HMCN1: variants seen among roughly 807,000 people sequenced by gnomAD.
The protein encoded by HMCN1 is hemicentin 1.
A neutral mutation model predicts 625.9 loss-of-function variants in HMCN1; 321 were observed. The ratio of observed to expected loss-of-function variants is 0.51; its 90% CI spans 0.47 to 0.56. HMCN1 has a LOEUF of 0.56. Ranked by LOEUF, HMCN1 falls within the 20% of genes least tolerant of loss-of-function variation. HMCN1 has a pLI of 0.00. For missense variants in HMCN1, 6,588 were observed against 6,887.3 expected (o/e 0.96, Z 1.54); for synonymous variants, 2,425 against 2,417.6 (o/e 1.00, Z -0.09).
At position 186,178,584 on chromosome 1, in the gene HMCN1, A is replaced by G; in HGVS notation, c.16112A>G (p.Asn5371Ser). Reference sequence around the variant, plus strand: ...TATGGCACTCAATACAGTAGCTATAACCTTGCACGGTTCTCCCCTGTGAGA... The same window carrying G: ...TATGGCACTCAATACAGTAGCTATAGCCTTGCACGGTTCTCCCCTGTGAGA... ...PNYGTQYSSYNLARFSPVRNN... is the reference protein window; with the variant it reads ...PNYGTQYSSYSLARFSPVRNN... Residue 5371 changes from asparagine to serine, a missense_variant, in exon 104 of 107, where the codon AAC becomes AGC. By Grantham distance (46) the Asn-to-Ser change is conservative. Transcript: ENST00000271588. The G allele has an allele frequency of 1.9e-6, 3 of 1,614,094 alleles. No homozygotes were observed. The highest frequency in any genetic ancestry group is 1.7e-6 in the Non-Finnish European group (2 of 1,179,986).
chr1:186,129,733 T>C (rs1661828977), intron 83 of HMCN1, among the ~76,000 whole-genome samples: 1 of 152,122 alleles, frequency 6.6e-6, no homozygotes, highest in Non-Finnish European at 1.5e-5. Context: ...TAAAAGATGT[T>C]TGTTTTCATC....
intron 15 of HMCN1, among the ~76,000 whole-genome samples, chr1:185,975,908 G>GCA (rs1558109789): frequency 6.7e-6 from 1 of 149,446 alleles, no homozygotes; most frequent in Non-Finnish European, 1.5e-5. Context: ...ACACACACAC[G>GCA]CACACACACA....
intron 85 of HMCN1, 62 bp downstream of exon 85, chr1:186,130,759 G>A (rs892580346): frequency 2.4e-5 from 32 of 1,359,392 alleles, no homozygotes; most frequent in African/African-American, 1.0e-4. Flanking sequence ...CCCTCTGTGA[G>A]TGCCATAGAT....
At chr1:185,871,323 C>T (rs1663607604) in intron 4 of HMCN1, among the ~76,000 whole-genome samples, 1 of 151,542 alleles carries the variant, frequency 6.6e-6, no homozygotes, top group Non-Finnish European at 1.5e-5. Context: ...AGAAAAGATT[C>T]AGCACAAGCA....
At chr1:185,977,699 A>G (rs933858953) in intron 15 of HMCN1, 88 bp from the exon 16 acceptor site, 76 of 864,066 alleles carry the variant, frequency 8.8e-5, no homozygotes, top group East Asian at 1.8e-4. Flanking sequence ...TTCAAATTCA[A>G]TGATTTGACA....
At chr1:185,784,716 C>T (rs1008726931) in intron 1 of HMCN1, among the ~76,000 whole-genome samples, 1 of 152,150 alleles carries the variant, frequency 6.6e-6, no homozygotes, top group Non-Finnish European at 1.5e-5. Flanking sequence ...TGCTTATTCT[C>T]TCAGTCTACT....
intron 1 of HMCN1, among the ~76,000 whole-genome samples, chr1:185,828,369 G>T (rs35314812): frequency 0.22 from 33,898 of 151,990 alleles, 4,184 homozygotes; most frequent in Non-Finnish European, 0.28. Context: ...ACTTTATAAA[G>T]ATTGAGACAT....
intron 2 of HMCN1, among the ~76,000 whole-genome samples, chr1:185,859,659 TTTA>T (rs905901608): frequency 6.6e-6 from 1 of 151,642 alleles, no homozygotes; most frequent in Non-Finnish European, 1.5e-5. Context: ...GATCATTTTA[TTTA>T]TTATTATTAT....
intron 26 of HMCN1, 102 bp downstream of exon 26, chr1:186,000,341 T>G: frequency 1.2e-6 from 1 of 827,264 alleles, no homozygotes; most frequent in East Asian, 2.7e-5. Flanking sequence ...TTAATGTGAA[T>G]AGCAGTATTA....
intron 100 of HMCN1, 122 bp downstream of exon 100, chr1:186,167,064 A>C (rs564768372): frequency 8.1e-7 from 1 of 1,233,142 alleles, no homozygotes; most frequent in East Asian, 2.4e-5. Flanking sequence ...AAAGGGAGAG[A>C]ATGAGGAGAT....
chr1:186,130,163 T>G, intron 84 of HMCN1, 63 bp downstream of exon 84: 1 of 1,602,890 alleles, frequency 6.2e-7, no homozygotes, highest in Non-Finnish European at 8.5e-7. Flanking sequence ...CAAGTTTTGC[T>G]TCTTTATTTT....
intron 57 of HMCN1, among the ~76,000 whole-genome samples, chr1:186,086,044 A>G (rs1659455958): frequency 1.3e-5 from 2 of 152,162 alleles, no homozygotes; most frequent in Admixed American, 6.6e-5. Flanking sequence ...TGAAAATTCT[A>G]ATGCTCTCTT....
At chr1:186,085,372 C>T (rs1235083667) in intron 57 of HMCN1, among the ~76,000 whole-genome samples, 4 of 152,128 alleles carry the variant, frequency 2.6e-5, no homozygotes, top group Admixed American at 6.6e-5. Context: ...ACCTGGTTTG[C>T]AGGCACCTGC....
intron 97 of HMCN1, among the ~76,000 whole-genome samples, chr1:186,156,425 A>G (rs1293792828): frequency 6.6e-6 from 1 of 152,228 alleles, no homozygotes; most frequent in Non-Finnish European, 1.5e-5. Context: ...AAATGTGAAG[A>G]AACTGTTTAC....
chr1:185,885,331 A>G (rs1280427042), intron 4 of HMCN1, among the ~76,000 whole-genome samples: 3 of 152,026 alleles, frequency 2.0e-5, no homozygotes, highest in Non-Finnish European at 4.4e-5. Context: ...GCATACAGAC[A>G]TAAAGACCAT....
chr1:185,902,513 A>G (rs1408108956), intron 4 of HMCN1, among the ~76,000 whole-genome samples: 1 of 151,682 alleles, frequency 6.6e-6, no homozygotes, highest in East Asian at 1.9e-4. Flanking sequence ...TGGAGTCCAG[A>G]TTCACCATTT....
At chr1:186,123,312 C>T (rs953599307) in intron 81 of HMCN1, 92 bp downstream of exon 81, 1 of 1,457,314 alleles carries the variant, frequency 6.9e-7, no homozygotes. Context: ...AAGTCAAAAA[C>T]CCTTAAACTC....
At chr1:186,039,949 A>G in intron 39 of HMCN1, 70 bp downstream of exon 39, 2 of 1,439,146 alleles carry the variant, frequency 1.4e-6, no homozygotes, top group South Asian at 2.3e-5. Context: ...ACACAGGTAA[A>G]ACTGTTGAAG....
intron 1 of HMCN1, among the ~76,000 whole-genome samples, chr1:185,766,259 A>G (rs1379168149): frequency 6.6e-6 from 1 of 152,136 alleles, no homozygotes; most frequent in Non-Finnish European, 1.5e-5. Flanking sequence ...CTGAAAAATA[A>G]CAAGGAATTG....
Sources: allele counts gnomAD v4.1 joint callset (sites outside exome capture counted in the v4.1 genomes callset), GRCh38; gene constraint gnomAD v4.1.1; transcripts MANE v1.5; gene names NCBI Gene and HGNC (gene_info 2026-07-23, HGNC 2026-07-21).